CHLSN: variants seen among roughly 807,000 people sequenced by gnomAD.
CHLSN encodes the protein cholesin.
the CHLSN span, among the ~76,000 whole-genome samples, chr7:1,059,841 A>G: frequency 2.8e-3 from 33 of 11,612 alleles, no homozygotes; most frequent in African/African-American, 0.011. Context: ...GTCTGTAGTG[A>G]GGCGGGTCCG....
the CHLSN span, among the ~76,000 whole-genome samples, chr7:1,047,314 T>A: frequency 6.6e-6 from 1 of 152,216 alleles, no homozygotes; most frequent in Non-Finnish European, 1.5e-5. Flanking sequence ...GGCATTCTCT[T>A]TGTTTATAGT....
chr7:1,097,134 G>C, the CHLSN span, among the ~76,000 whole-genome samples: 1 of 152,188 alleles, frequency 6.6e-6, no homozygotes, highest in Non-Finnish European at 1.5e-5. This position sits in a 1 kb window ranked among gnomAD's most constrained non-coding sequence, Gnocchi z 4.3. Flanking sequence ...CAGACTACGC[G>C]AGTACGTTTG....
chr7:1,118,285 C>A, the CHLSN span, among the ~76,000 whole-genome samples: 1 of 152,178 alleles, frequency 6.6e-6, no homozygotes, highest in African/African-American at 2.4e-5. Context: ...ACGGCATGAA[C>A]ACGAAGTGGA....
the CHLSN span, among the ~76,000 whole-genome samples, chr7:1,071,568 G>T: frequency 7.4e-6 from 1 of 134,850 alleles, no homozygotes; most frequent in Non-Finnish European, 1.6e-5. Context: ...GAGGAAAGGG[G>T]AGAGGGAGGA....
chr7:1,135,792 TACACA>T, the CHLSN span, among the ~76,000 whole-genome samples: 1 of 106,388 alleles, frequency 9.4e-6, no homozygotes, highest in African/African-American at 4.0e-5. Flanking sequence ...TATATATATA[TACACA>T]ATTTATTTAT....
At chr7:1,130,217 A>G in the CHLSN span, among the ~76,000 whole-genome samples, 1 of 152,254 alleles carries the variant, frequency 6.6e-6, no homozygotes, top group African/African-American at 2.4e-5. Context: ...GGAGAAGTCC[A>G]GGGACGGCAG....
chr7:1,100,344 G>C, the CHLSN span, among the ~76,000 whole-genome samples: 1 of 152,220 alleles, frequency 6.6e-6, no homozygotes, highest in Admixed American at 6.5e-5. Context: ...CTTCAGGTCC[G>C]GCTGGTGAGC....
chr7:983,387 T>G, the CHLSN span: 1 of 1,502,476 alleles, frequency 6.7e-7, no homozygotes, highest in Non-Finnish European at 8.9e-7. Context: ...CTGATGGAGG[T>G]AAGTCAGGGA....
chr7:987,830 G>T, the CHLSN span, among the ~76,000 whole-genome samples: 2 of 151,424 alleles, frequency 1.3e-5, no homozygotes, highest in Non-Finnish European at 2.9e-5. Flanking sequence ...GTGTCCTGGG[G>T]GTCCCCTCTG....
At chr7:1,066,743 G>C in the CHLSN span, among the ~76,000 whole-genome samples, 1 of 152,242 alleles carries the variant, frequency 6.6e-6, no homozygotes, top group East Asian at 1.9e-4. Flanking sequence ...TGAGCCTCCA[G>C]CCCGGCACGA....
chr7:1,096,413 G>A, the CHLSN span, among the ~76,000 whole-genome samples: 2 of 152,302 alleles, frequency 1.3e-5, no homozygotes, highest in Non-Finnish European at 2.9e-5. This position sits in a 1 kb window ranked among gnomAD's most constrained non-coding sequence, Gnocchi z 4.6. Context: ...TTGGACCCTG[G>A]GCCCTGGAGT....
chr7:1,028,872 GC>G, the CHLSN span: 1 of 728,402 alleles, frequency 1.4e-6, no homozygotes, highest in Non-Finnish European at 1.6e-6. Context: ...TCCCCAATCT[GC>G]CCCATCTCTC....
the CHLSN span, among the ~76,000 whole-genome samples, chr7:1,041,891 G>A: frequency 3.9e-5 from 6 of 151,972 alleles, no homozygotes; most frequent in South Asian, 2.1e-4. Flanking sequence ...CCTGGGTGGC[G>A]TGCAGCTGAC....
the CHLSN span, among the ~76,000 whole-genome samples, chr7:1,084,965 T>G: frequency 6.6e-6 from 1 of 152,170 alleles, no homozygotes; most frequent in African/African-American, 2.4e-5. Flanking sequence ...AGTCAGTCAG[T>G]GCTGGCAGAG....
the CHLSN span, among the ~76,000 whole-genome samples, chr7:1,033,069 C>G: frequency 6.6e-6 from 1 of 152,328 alleles, no homozygotes; most frequent in South Asian, 2.1e-4. Context: ...TACCTCGATA[C>G]GAGGGAACAC....
At chr7:1,022,218 G>C in the CHLSN span, among the ~76,000 whole-genome samples, 4 of 152,196 alleles carry the variant, frequency 2.6e-5, no homozygotes, top group Non-Finnish European at 4.4e-5. Flanking sequence ...CACGAGGACA[G>C]ACGCAGGCCT....
At chr7:1,050,650 G>A in the CHLSN span, among the ~76,000 whole-genome samples, 1 of 152,212 alleles carries the variant, frequency 6.6e-6, no homozygotes, top group Non-Finnish European at 1.5e-5. Context: ...TTGGAACGCC[G>A]CAGCCTAGGA....
chr7:997,467 G>A, the CHLSN span: 1 of 608,930 alleles, frequency 1.6e-6, no homozygotes, highest in South Asian at 2.4e-5. Flanking sequence ...CGAGGCTCTG[G>A]TGCTGGTGAT....
chr7:1,021,246 C>G, the CHLSN span: 7 of 413,304 alleles, frequency 1.7e-5, no homozygotes, highest in Non-Finnish European at 2.0e-5. Flanking sequence ...TGGGAACCTC[C>G]AGGCTGAGGA....
Sources: gnomAD v4.1 joint callset for allele counts (sites outside exome capture counted in the v4.1 genomes callset) on GRCh38, gnomAD v4.1.1 for gene constraint, Gnocchi (gnomAD v3.1) non-coding constraint, MANE v1.5 for transcripts, NCBI Gene and HGNC (gene_info 2026-07-23, HGNC 2026-07-21) for gene names.